Variants in CACNA1B observed in about 807,000 individuals in gnomAD.
CACNA1B encodes the protein calcium voltage-gated channel subunit alpha1 B.
In CACNA1B, 70 loss-of-function variants were observed where a neutral mutation model predicts 247.2. That is an observed-to-expected ratio of 0.28 (90% confidence interval 0.23 to 0.35). The LOEUF is 0.35. CACNA1B is among the 10% of genes least tolerant of loss of function. The pLI is 1.00. For missense variants in CACNA1B, 2,367 were observed against 3,197.4 expected (o/e 0.74, Z 6.26); for synonymous variants, 1,231 against 1,294.4 (o/e 0.95, Z 1.05).
intron 19 of CACNA1B, 73 bp downstream of exon 19, chr9:138,023,884 G>A: frequency 4.0e-6 from 3 of 758,934 alleles, no homozygotes; most frequent in South Asian, 1.5e-5. Flanking sequence ...CGGTGGCTGC[G>A]GCCATGGGGT....
Position 137,963,118 on chromosome 9 carries a change from C to G in CACNA1B, c.1333+5431C>G, listed in dbSNP as rs1017572892. 5.3e-5 allele frequency among the ~76,000 whole-genome samples: 8 copies of G among 152,162 alleles called. No individual in the cohort carries two copies. The South Asian group carries it at 1.7e-3, about 32-fold the overall frequency. ...CTTAGCTCTTCTTGTTGAATTGAAC[C>G]CTTTACCACTATGTAATACCCTTCA... is the stretch of plus-strand genomic sequence containing the variant. On this transcript the variant is annotated intron_variant, in intron 10 of 46. Transcript: ENST00000371372.
chr9:137,921,315 G>A (rs1957474863), intron 6 of CACNA1B, among the ~76,000 whole-genome samples: 1 of 151,498 alleles, frequency 6.6e-6, no homozygotes, highest in East Asian at 1.9e-4. Context: ...CACCACGGCC[G>A]CGCAGCATCC....
chr9:137,990,492 C>T lies in CACNA1B; in HGVS notation c.1974+3638C>T, dbSNP rs115801380. 5.0e-3 allele frequency among the ~76,000 whole-genome samples: 756 copies of T among 152,270 alleles called. 5 individuals are homozygous for T. Among genetic ancestry groups the T allele is most frequent in the African/African-American group, 0.017 (718 of 41,534 alleles). On this transcript the variant is annotated intron_variant, in intron 15 of 46. Coordinates refer to ENST00000371372, the MANE Select transcript of CACNA1B (RefSeq NM_000718.4). This position sits in a 1 kb window ranked among gnomAD's most constrained non-coding sequence, Gnocchi z 4.5. ...CAAGTTTGCATCCTCTCTACAGGAC[C>T]TCAGCTGATGCTCTCTTGAAAGCGC...
chr9:138,063,939 G>T (rs1589106270), intron 31 of CACNA1B, among the ~76,000 whole-genome samples: 3 of 152,278 alleles, frequency 2.0e-5, no homozygotes, highest in Admixed American at 2.0e-4. Context: ...CTTTCCTATT[G>T]TTATGTCTAC....
At chr9:137,977,561 A>G (rs1299065268) in intron 12 of CACNA1B, among the ~76,000 whole-genome samples, 1 of 152,178 alleles carries the variant, frequency 6.6e-6, no homozygotes, top group Non-Finnish European at 1.5e-5. Context: ...GGGCAGTCTG[A>G]GAATCTTCTG....
intron 6 of CACNA1B, among the ~76,000 whole-genome samples, chr9:137,933,907 CTTAT>C (rs778823987): frequency 6.6e-6 from 1 of 152,024 alleles, no homozygotes; most frequent in East Asian, 1.9e-4. Flanking sequence ...AAAAAAATTA[CTTAT>C]TTGTTATTTT....
intron 15 of CACNA1B, among the ~76,000 whole-genome samples, chr9:137,998,203 G>A (rs967190148): frequency 6.6e-6 from 1 of 152,116 alleles, no homozygotes; most frequent in African/African-American, 2.4e-5. Context: ...CTGGGTAGTG[G>A]GTACACAGAG....
chr9:137,914,283 C>T lies in CACNA1B; in HGVS notation c.623-371C>T, dbSNP rs966219585. The stretch of plus-strand genomic sequence containing the variant: ...AGGATGTCCTCTGACTTGGCTCTTC[C>T]TTCTCAGGATTTCATTCTCTTTCCT... On this transcript the variant is annotated intron_variant, in intron 4 of 46. Transcript: ENST00000371372. This position sits in a 1 kb window ranked among gnomAD's most constrained non-coding sequence, Gnocchi z 4.3. Among the ~76,000 whole-genome samples the T allele has an allele frequency of 3.9e-5, 6 of 152,088 alleles. No individual in the cohort carries two copies. Among genetic ancestry groups the T allele is most frequent in the African/African-American group, 1.4e-4 (6 of 41,384 alleles).
chr9:138,111,201 G>C (rs1214749810), intron 39 of CACNA1B, among the ~76,000 whole-genome samples: 1 of 152,158 alleles, frequency 6.6e-6, no homozygotes, highest in African/African-American at 2.4e-5. Flanking sequence ...CAATCTATGT[G>C]CAGATGTTTA....
chr9:137,962,699 G>A (rs1364730459), intron 10 of CACNA1B, among the ~76,000 whole-genome samples: 1 of 152,168 alleles, frequency 6.6e-6, no homozygotes, highest in Non-Finnish European at 1.5e-5. Context: ...GTGGTTTTGA[G>A]TGAATTTCTT....
Position 138,012,483 on chromosome 9 carries a change from C to T in CACNA1B, c.2161-646C>T, listed in dbSNP as rs913834196. On this transcript the variant is annotated intron_variant, in intron 17 of 46. Coordinates refer to ENST00000371372, the MANE Select transcript of CACNA1B (RefSeq NM_000718.4). The surrounding 1 kb of genome is among the most constrained non-coding windows in gnomAD (Gnocchi z 4.2). The stretch of plus-strand genomic sequence containing the variant: ...TGAAGGCCAGGCATGGTAGCTAACA[C>T]CTGTACTCCCAGCACTTTGGGAGGC... 1.8e-4 allele frequency among the ~76,000 whole-genome samples: 27 copies of T among 152,134 alleles called. No individual in the cohort carries two copies. Among genetic ancestry groups the T allele is most frequent in the Non-Finnish European group, 3.7e-4 (25 of 68,034 alleles).
At chr9:138,074,396 A>AT (rs1391647846) in intron 34 of CACNA1B, among the ~76,000 whole-genome samples, 2 of 152,000 alleles carry the variant, frequency 1.3e-5, no homozygotes, top group East Asian at 3.9e-4. Context: ...GTGTGCCACC[A>AT]CGCCCGGCTA....
rs1281413936 is a variant in CACNA1B at position 137,986,627 on chromosome 9, C to T, written c.1901+83C>T. ...AGAGCAGACGGTGCCGCCCAGGCTG[C>T]CTCCACCCACCTTCCCACCAGGAAG... On this transcript the variant is annotated intron_variant, in intron 14 of 46. Transcript: ENST00000371372. The surrounding 1 kb of genome is among the most constrained non-coding windows in gnomAD (Gnocchi z 6.0). The T allele has an allele frequency of 1.3e-6, 2 of 1,527,616 alleles. No individual in the cohort carries two copies. The highest frequency in any genetic ancestry group is 2.7e-5 in the African/African-American group (2 of 73,306). 94.6% of individuals were successfully genotyped at this position (1,527,616 alleles called of 1,614,324 possible).
At chr9:138,115,478 T>C in intron 41 of CACNA1B, 74 bp from the exon 42 acceptor site, 1 of 1,487,964 alleles carries the variant, frequency 6.7e-7, no homozygotes, top group Non-Finnish European at 9.1e-7. Context: ...CCATGCCACA[T>C]GGTCAGAGCA....
chr9:138,007,918 T>C lies in CACNA1B; in HGVS notation c.2092+1034T>C, dbSNP rs1958674149. Among the ~76,000 whole-genome samples, 2 of 152,200 alleles carry C rather than the reference T, an allele frequency of 1.3e-5. No individual in the cohort carries two copies. The highest frequency in any genetic ancestry group is 4.8e-5 in the African/African-American group (2 of 41,446). On this transcript the variant is annotated intron_variant, in intron 16 of 46. Coordinates refer to ENST00000371372, the MANE Select transcript of CACNA1B (RefSeq NM_000718.4). The surrounding 1 kb of genome is among the most constrained non-coding windows in gnomAD (Gnocchi z 4.1). ...CTCAGTGCCCTTGCAGACTTCACCT[T>C]CTTTCCTGTCTCCATCTCCCTGGCT...
At chr9:137,983,814 A>G (rs1407313051) in intron 12 of CACNA1B, among the ~76,000 whole-genome samples, 2 of 146,112 alleles carry the variant, frequency 1.4e-5, no homozygotes, top group Non-Finnish European at 3.0e-5. Context: ...CAGAGGAGGT[A>G]TTAGACCAGG....
intron 12 of CACNA1B, among the ~76,000 whole-genome samples, chr9:137,979,977 C>G (rs1958275346): frequency 1.3e-5 from 2 of 152,212 alleles, no homozygotes; most frequent in African/African-American, 4.8e-5. Flanking sequence ...GCGGGAAAGT[C>G]TGGGATTCAT....
chr9:138,054,463 G>A lies in CACNA1B; in HGVS notation c.3968+457G>A, dbSNP rs1417620317. ...AAGTAGACAGGAGAGGGGCCCTTGG[G>A]GAAGAGCTGGGGGAAAGCTGGTTAG... On this transcript the variant is annotated intron_variant, in intron 26 of 46. Coordinates refer to ENST00000371372, the MANE Select transcript of CACNA1B (RefSeq NM_000718.4). This position sits in a 1 kb window ranked among gnomAD's most constrained non-coding sequence, Gnocchi z 4.6. Among the ~76,000 whole-genome samples the A allele has an allele frequency of 2.0e-5, 3 of 152,244 alleles. No individual in the cohort carries two copies. The highest frequency in any genetic ancestry group is 2.0e-4 in the Admixed American group (3 of 15,284).
intron 36 of CACNA1B, among the ~76,000 whole-genome samples, chr9:138,085,448 G>A (rs1017758438): frequency 6.6e-6 from 1 of 151,010 alleles, no homozygotes; most frequent in African/African-American, 2.5e-5. Flanking sequence ...GAAGGGAAAA[G>A]GTATAGAAAA....
Sources: allele counts gnomAD v4.1 joint callset (sites outside exome capture counted in the v4.1 genomes callset), GRCh38; gene constraint gnomAD v4.1.1; non-coding constraint Gnocchi (gnomAD v3.1); transcripts MANE v1.5; gene names NCBI Gene and HGNC (gene_info 2026-07-23, HGNC 2026-07-21).